LCT: variants seen among roughly 807,000 people sequenced by gnomAD.
LCT encodes the protein lactase/phlorizin hydrolase.
LCT carries 90 observed loss-of-function variants against 173.0 expected under a neutral mutation model. That is an observed-to-expected ratio of 0.52 (90% CI 0.44 to 0.62). The LOEUF (loss-of-function observed/expected upper bound fraction) is 0.62. Among genes scored for constraint, LCT ranks in the 20% least tolerant of loss-of-function variants. LCT has a pLI of 0.00. For synonymous variants in LCT, 853 were observed against 957.6 expected (o/e 0.89, Z 2.02); for missense variants, 1,864 against 2,431.4 (o/e 0.77, Z 4.91).
At chr2:135,831,808 C>T (rs1363653909) in intron 2 of LCT, among the ~76,000 whole-genome samples, 2 of 152,166 alleles carry the variant, frequency 1.3e-5, no homozygotes, top group Non-Finnish European at 2.9e-5. Flanking sequence ...AGCACCAGGG[C>T]GATGCTGCAG....
In LCT at chr2:135,816,844, G is replaced by T. The variant is rs116434156; in HGVS notation, c.1707+497C>A. ...TTATATTTTAAAAGTACCAGTAGAG[G>T]GTCTGGACAAAATAAGGTGATTAAC... On this transcript the variant is annotated intron_variant, in intron 6 of 16. Transcript: ENST00000264162. 6.7e-3 allele frequency among the ~76,000 whole-genome samples: 1,019 copies of T among 151,526 alleles called. 10 individuals carry two copies. The highest frequency in any genetic ancestry group is 0.012 in the South Asian group (57 of 4,778).
chr2:135,808,582 C>G lies in LCT; in HGVS notation c.3765G>C (p.Arg1255Ser). Reference sequence around the variant, plus strand: ...ACTCTTCCTTGATCCAGTTCAGCAGCCTTCGCGTCCCCCAGGGCGCAGCTC... The same window carrying G: ...ACTCTTCCTTGATCCAGTTCAGCAGGCTTCGCGTCCCCCAGGGCGCAGCTC... ...MNRAAPWGTR[R>S]LLNWIKEEYG... The change falls in exon 8 of 17, where the codon AGG becomes AGC. Residue 1255 changes from arginine to serine, a missense_variant. Coordinates refer to ENST00000264162, the MANE Select transcript of LCT (RefSeq NM_002299.4). 1.9e-6 allele frequency: 3 copies of G among 1,614,248 alleles called. No individual in the cohort carries two copies. Among genetic ancestry groups the G allele is most frequent in the Non-Finnish European group, 2.5e-6 (3 of 1,180,040 alleles).
chr2:135,812,969 TAAG>T lies in LCT; in HGVS notation c.1708-16_1708-14del, dbSNP rs1444604839. On this transcript the variant is annotated splice_polypyrimidine_tract_variant and intron_variant, in intron 6 of 16. Transcript: ENST00000264162. The stretch of plus-strand genomic sequence containing the variant: ...CCAAGTGAGCCACCTTGTGAAAAAG[TAAG>T]AAGGAAATACAGTGATTAGTAATAA... 1.9e-6 allele frequency: 3 copies of T among 1,612,340 alleles called. No homozygotes were observed. The highest frequency in any genetic ancestry group is 3.3e-5 in the Admixed American group (2 of 59,804).
At chr2:135,818,128 AC>A in intron 5 of LCT, 67 bp from the exon 6 acceptor site, 1 of 1,564,334 alleles carries the variant, frequency 6.4e-7, no homozygotes, top group Non-Finnish European at 8.8e-7. Flanking sequence ...AATGCCCCCT[AC>A]GGATGACTAC....
chr2:135,822,329 G>C, intron 4 of LCT: 1 of 509,684 alleles, frequency 2.0e-6, no homozygotes, highest in Non-Finnish European at 3.6e-6. Flanking sequence ...ATCATCTGTA[G>C]AGCTTGTTAA....
At chr2:135,791,814 C>T (rs2077535068) in intron 14 of LCT, among the ~76,000 whole-genome samples, 1 of 152,092 alleles carries the variant, frequency 6.6e-6, no homozygotes, top group African/African-American at 2.4e-5. Flanking sequence ...TGGACACAGT[C>T]AGAGCTACTG....
Position 135,804,902 on chromosome 2 carries a change from G to T in LCT, c.4329C>A (p.Gly1443=). 5 of 1,613,902 alleles carry T rather than the reference G, an allele frequency of 3.1e-6. 1 individual carries two copies. In the South Asian group the frequency reaches 4.4e-5, roughly 14 times the overall value. Residue 1443 remains glycine (G), a synonymous_variant, in exon 10 of 17, where the codon GGC becomes GGA. Transcript: ENST00000264162. ...AEDLVTLQNL[G]VSHYRFSISW... ...AGATGGAAAAACGGTAGTGGGACACGCCCAGGTTCTGCAGGGTGACCAGAT... is the reference window on the plus strand; with the variant it reads ...AGATGGAAAAACGGTAGTGGGACACTCCCAGGTTCTGCAGGGTGACCAGAT...
At chr2:135,796,821 G>A (rs1473509521) in intron 13 of LCT, among the ~76,000 whole-genome samples, 1 of 152,172 alleles carries the variant, frequency 6.6e-6, no homozygotes, top group African/African-American at 2.4e-5. Flanking sequence ...TGTGCAGATG[G>A]GCCGGGCGCT....
chr2:135,835,990 A>G (rs1679344933), intron 1 of LCT, among the ~76,000 whole-genome samples: 1 of 26,716 alleles, frequency 3.7e-5, no homozygotes, highest in Non-Finnish European at 1.7e-4. Flanking sequence ...ATATATATAT[A>G]TATATATATA....
In LCT at chr2:135,800,597, A is replaced by T; in HGVS notation, c.4866+10T>A. On this transcript the variant is annotated intron_variant, in intron 12 of 16. Transcript: ENST00000264162. The stretch of plus-strand genomic sequence containing the variant: ...AAGAGTAAGAACAAGCGCCCAGAGG[A>T]AAAACAGACCTGAACATATCTCCTG... The T allele has an allele frequency of 6.2e-7, 1 of 1,608,192 alleles. No individual in the cohort carries two copies. The highest frequency in any genetic ancestry group is 1.1e-5 in the South Asian group (1 of 90,906).
intron 9 of LCT, 54 bp downstream of exon 9, chr2:135,807,074 C>T: frequency 6.3e-7 from 1 of 1,599,788 alleles, no homozygotes; most frequent in Non-Finnish European, 8.6e-7. Flanking sequence ...AGCCCAGAGC[C>T]TGGCACAGGG....
rs2077715933 is a variant in LCT, at chr2:135,809,637, G to A, written c.2710C>T (p.Arg904Trp). Residue 904 changes from arginine (R) to tryptophan (W), a missense_variant, in exon 8 of 17, where the codon CGG (arginine) becomes TGG (tryptophan). Coordinates refer to ENST00000264162, the MANE Select transcript of LCT (RefSeq NM_002299.4). The surrounding 1 kb of genome is among the most constrained non-coding windows in gnomAD (Gnocchi z 5.5). ...GACACGCCCCACAGAAAGTCATCCC[G>A]AAACGTCCCGTGGTAGAACAAATCT... ...ERDLFYHGTFRDDFLWGVSSS... is the reference protein window; with the variant it reads ...ERDLFYHGTFWDDFLWGVSSS... 6 of 1,614,054 alleles carry A rather than the reference G, an allele frequency of 3.7e-6. No homozygotes were observed. Among genetic ancestry groups the A allele is most frequent in the East Asian group, 2.2e-5 (1 of 44,896 alleles).
intron 3 of LCT, among the ~76,000 whole-genome samples, chr2:135,828,352 A>G (rs1451330847): frequency 6.6e-6 from 1 of 152,184 alleles, no homozygotes; most frequent in Non-Finnish European, 1.5e-5. Context: ...ATAATTCCTC[A>G]GGTAAACCAT....
chr2:135,790,537 A>C lies in LCT; in HGVS notation c.5335+121T>G, dbSNP rs928804314. The C allele has an allele frequency of 5.8e-6, 4 of 687,082 alleles. No homozygotes were observed. Among genetic ancestry groups the C allele is most frequent in the Non-Finnish European group, 1.0e-5 (4 of 389,432 alleles). 42.6% of individuals were successfully genotyped at this position (687,082 alleles called of 1,614,324 possible). A position where few individuals can be genotyped will look rare whatever the true frequency, so the allele number is the denominator to read the frequency against. The stretch of plus-strand genomic sequence containing the variant: ...TAAAGCAAAGCTTAACCCCCACAGG[A>C]GCAAGAAGGCTTATCGTTCTCTTCT... On this transcript the variant is annotated intron_variant, in intron 15 of 16. Coordinates refer to ENST00000264162, the MANE Select transcript of LCT (RefSeq NM_002299.4). The surrounding 1 kb of genome is among the most constrained non-coding windows in gnomAD (Gnocchi z 4.1).
In LCT at chr2:135,790,377, A is replaced by G. The variant is rs1409893251; in HGVS notation, c.5335+281T>C. On this transcript the variant is annotated intron_variant, in intron 15 of 16. Transcript: ENST00000264162. This position sits in a 1 kb window ranked among gnomAD's most constrained non-coding sequence, Gnocchi z 4.1. ...CTACCCAGACCATTCTCAGGAGGGCACTGCTGTTCCGACATCAGGGAGGAT... is the reference window on the plus strand; with the variant it reads ...CTACCCAGACCATTCTCAGGAGGGCGCTGCTGTTCCGACATCAGGGAGGAT... 1.3e-5 allele frequency among the ~76,000 whole-genome samples: 2 copies of G among 152,164 alleles called. No individual in the cohort carries two copies. Among genetic ancestry groups the G allele is most frequent in the Non-Finnish European group, 1.5e-5 (1 of 68,026 alleles).
At chr2:135,831,600 A>G (rs1038621843) in intron 2 of LCT, among the ~76,000 whole-genome samples, 1 of 152,220 alleles carries the variant, frequency 6.6e-6, no homozygotes, top group South Asian at 2.1e-4. Flanking sequence ...TCCTGCGTTC[A>G]TAACTGATAG....
Position 135,812,570 on chromosome 2 carries a change from G to C in LCT, c.2094C>G (p.Thr698=). Reference sequence around the variant, plus strand: ...CAATGGTATCATAGCTAGGGATGCAGGTGTTTTGTGGGGCGTTGCTGATGA... The same window carrying C: ...CAATGGTATCATAGCTAGGGATGCACGTGTTTTGTGGGGCGTTGCTGATGA... ...SRLISNAPQN[T]CIPSYDTIGG... Residue 698 remains threonine, a synonymous_variant, in exon 7 of 17, where the codon ACC becomes ACG. Transcript: ENST00000264162. 6.2e-7 allele frequency: 1 copy of C among 1,613,654 alleles called. No individual in the cohort carries two copies. Among genetic ancestry groups the C allele is most frequent in the Non-Finnish European group, 8.5e-7 (1 of 1,179,546 alleles).
chr2:135,820,834 C>T (rs554812778), intron 5 of LCT, among the ~76,000 whole-genome samples: 17 of 151,992 alleles, frequency 1.1e-4, no homozygotes, highest in Admixed American at 3.3e-4. Flanking sequence ...TTGGGATATG[C>T]GTGCATGAAA....
At position 135,804,146 on chromosome 2, in the gene LCT, C is replaced by T. The variant is rs758608463; in HGVS notation, c.4465-18G>A. ...ATGGTCACCTGGGAAGAAGCCAGAT[C>T]AGCTGTTGCATCAGTCATGCTTTCC... On this transcript the variant is annotated intron_variant, in intron 10 of 16. Transcript: ENST00000264162. The T allele has an allele frequency of 3.1e-6, 5 of 1,602,650 alleles. No homozygotes were observed. In the African/African-American group the frequency reaches 6.7e-5, roughly 21 times the overall value.
Sources: gnomAD v4.1 joint callset for allele counts (sites outside exome capture counted in the v4.1 genomes callset) on GRCh38, gnomAD v4.1.1 for gene constraint, Gnocchi (gnomAD v3.1) non-coding constraint, MANE v1.5 for transcripts, NCBI Gene and HGNC (gene_info 2026-07-23, HGNC 2026-07-21) for gene names.